The following SNAP25 variants were observed in gnomAD, a reference collection of about 807,000 sequenced individuals.
SNAP25 encodes the protein synaptosome associated protein 25, also known as synaptosomal-associated protein 25.
A neutral mutation model predicts 28.7 loss-of-function variants in SNAP25; 3 were observed. That is an observed-to-expected ratio of 0.10 (90% CI 0.05 to 0.27). The LOEUF (loss-of-function observed/expected upper bound fraction) is 0.27. SNAP25 is among the 10% of genes least tolerant of loss of function. SNAP25 has a pLI of 1.00. For synonymous variants in SNAP25, 61 were observed against 88.1 expected, an observed-to-expected ratio of 0.69 and a Z score of 1.72; for missense variants, 117 against 278.7, an observed-to-expected ratio of 0.42 and a Z score of 4.13.
chr20:10,253,127 C>T (rs897132640), intron 1 of SNAP25, among the ~76,000 whole-genome samples: 1 of 152,148 alleles, frequency 6.6e-6, no homozygotes, highest in African/African-American at 2.4e-5. Context: ...TATCATAGAC[C>T]AGGGATGAGA....
intron 1 of SNAP25, among the ~76,000 whole-genome samples, chr20:10,235,538 T>C (rs564258787): frequency 6.6e-6 from 1 of 152,304 alleles, no homozygotes; most frequent in South Asian, 2.1e-4. Context: ...ACTAGTCAAG[T>C]AGAGGGAGGA....
At chr20:10,242,469 A>T (rs900414183) in intron 1 of SNAP25, among the ~76,000 whole-genome samples, 2 of 152,166 alleles carry the variant, frequency 1.3e-5, no homozygotes, top group Non-Finnish European at 2.9e-5. Flanking sequence ...TATAAACTCT[A>T]AGCCATGTGA....
chr20:10,260,724 A>AC (rs1568597310), intron 1 of SNAP25, among the ~76,000 whole-genome samples: 27 of 78,484 alleles, frequency 3.4e-4, no homozygotes, highest in African/African-American at 1.1e-3. Flanking sequence ...CACACACACA[A>AC]ACACACACAC....
chr20:10,301,419 C>A (rs2064232451), intron 7 of SNAP25, among the ~76,000 whole-genome samples: 1 of 151,440 alleles, frequency 6.6e-6, no homozygotes, highest in Non-Finnish European at 1.5e-5. Flanking sequence ...CTTTTTTTTC[C>A]AGAATCAAAA....
chr20:10,296,545 G>A, intron 5 of SNAP25: 1 of 217,530 alleles, frequency 4.6e-6, no homozygotes, highest in Non-Finnish European at 9.2e-6. Flanking sequence ...GTCTTGTTTT[G>A]TGTCTGTCTG....
In SNAP25 at chr20:10,296,932, T is replaced by A. The variant is rs770941367; in HGVS notation, c.289T>A (p.Ser97Thr). 2.5e-6 allele frequency: 4 copies of A among 1,614,146 alleles called. No individual in the cohort carries two copies. In the East Asian group the frequency reaches 8.9e-5, roughly 36 times the overall value. ...ACCCTCTCTTTTGCATAGGCTTAAATCAAGTGATGCTTACAAAAAAGCCTG... is the reference window on the plus strand; with the variant it reads ...ACCCTCTCTTTTGCATAGGCTTAAAACAAGTGATGCTTACAAAAAAGCCTG... ...LCVCPCNKLKSSDAYKKAWGN... is the reference protein window; with the variant it reads ...LCVCPCNKLKTSDAYKKAWGN... The change falls in exon 6 of 8, where the codon TCA becomes ACA. Residue 97 changes from serine to threonine, a missense_variant. Around this residue, in one of 3 missense-constraint regions of SNAP25, gnomAD observed 88 missense variants for 206.9 expected, o/e 0.43. Coordinates refer to ENST00000254976, the MANE Select transcript of SNAP25 (RefSeq NM_130811.4).
At chr20:10,254,969 T>G (rs879234611) in intron 1 of SNAP25, among the ~76,000 whole-genome samples, 4 of 152,128 alleles carry the variant, frequency 2.6e-5, no homozygotes, top group Admixed American at 2.6e-4. Flanking sequence ...GACTGTTTCT[T>G]CATCTGAAGT....
intron 1 of SNAP25, among the ~76,000 whole-genome samples, chr20:10,250,135 A>T (rs3025863): frequency 2.6e-5 from 4 of 152,190 alleles, no homozygotes; most frequent in Non-Finnish European, 5.9e-5. Context: ...CCTTTTCAAG[A>T]TCTCTGTTTC....
intron 1 of SNAP25, among the ~76,000 whole-genome samples, chr20:10,266,719 G>A (rs2063512793): frequency 6.6e-6 from 1 of 152,136 alleles, no homozygotes; most frequent in Non-Finnish European, 1.5e-5. Flanking sequence ...CTATGAAAAG[G>A]TAGCAATCAT....
intron 4 of SNAP25, among the ~76,000 whole-genome samples, chr20:10,291,322 T>C (rs998045084): frequency 6.6e-6 from 1 of 152,280 alleles, no homozygotes; most frequent in Admixed American, 6.5e-5. Context: ...GTGATCTGCC[T>C]GCCTTGGCCT....
intron 1 of SNAP25, among the ~76,000 whole-genome samples, chr20:10,249,449 C>G (rs3025862): frequency 0.013 from 1,919 of 152,252 alleles, 40 homozygotes; most frequent in African/African-American, 0.043. Flanking sequence ...TGACGGGAAC[C>G]TGTTCCAAAG....
chr20:10,303,921 G>T (rs2064297156), intron 7 of SNAP25, among the ~76,000 whole-genome samples: 1 of 152,146 alleles, frequency 6.6e-6, no homozygotes, highest in Non-Finnish European at 1.5e-5. Flanking sequence ...TTAAAGAAAA[G>T]ACAGTTATTA....
At chr20:10,241,989 CT>C (rs1401482744) in intron 1 of SNAP25, among the ~76,000 whole-genome samples, 1 of 152,102 alleles carries the variant, frequency 6.6e-6, no homozygotes, top group Non-Finnish European at 1.5e-5. Flanking sequence ...GTGAAGCAAC[CT>C]AACCCAGGGA....
chr20:10,291,504 T>C (rs898664394), intron 4 of SNAP25, among the ~76,000 whole-genome samples: 2 of 152,240 alleles, frequency 1.3e-5, no homozygotes, highest in Non-Finnish European at 2.9e-5. Flanking sequence ...TGTTTTCACC[T>C]GTCATTTCAA....
intron 1 of SNAP25, among the ~76,000 whole-genome samples, chr20:10,239,477 A>T (rs1286652595): frequency 6.6e-6 from 1 of 152,242 alleles, no homozygotes; most frequent in African/African-American, 2.4e-5. Context: ...AAGCCTGTAG[A>T]TCTTTTTAAA....
At chr20:10,236,027 A>G (rs771960925) in intron 1 of SNAP25, among the ~76,000 whole-genome samples, 10 of 152,208 alleles carry the variant, frequency 6.6e-5, no homozygotes, top group Non-Finnish European at 1.3e-4. Flanking sequence ...TATGCCAACT[A>G]TATTTACAAA....
At chr20:10,305,771 A>G (rs868009104) in intron 7 of SNAP25, among the ~76,000 whole-genome samples, 1 of 152,192 alleles carries the variant, frequency 6.6e-6, no homozygotes, top group Admixed American at 6.5e-5. Flanking sequence ...ACTTGGTCCA[A>G]CAGATGTGAA....
rs535525064 is a variant in SNAP25 at position 10,275,498 on chromosome 20, G to A, written c.7G>A (p.Glu3Lys). Residue 3 changes from glutamate (E) to lysine (K), a missense_variant, in exon 2 of 8, where the codon GAA becomes AAA. By Grantham distance (56) the Glu-to-Lys change is moderately conservative. Coordinates refer to ENST00000254976, the MANE Select transcript of SNAP25 (RefSeq NM_130811.4). The part of the protein sequence containing the change: MA[E>K]DADMRNELEE... ...GCCACTCCCCACCGCTACCATGGCC[G>A]AAGACGCAGACATGCGCAATGAGCT... 57 of 1,603,676 alleles carry A rather than the reference G, an allele frequency of 3.6e-5. 1 individual carries two copies. Among genetic ancestry groups the A allele is most frequent in the South Asian group, 3.2e-4 (28 of 88,694 alleles).
intron 1 of SNAP25, among the ~76,000 whole-genome samples, chr20:10,236,317 A>T (rs919841002): frequency 6.6e-6 from 1 of 152,192 alleles, no homozygotes; most frequent in East Asian, 1.9e-4. Flanking sequence ...TATCTGATCA[A>T]TTCAGCAGGG....
Sources: allele counts gnomAD v4.1 joint callset (sites outside exome capture counted in the v4.1 genomes callset), GRCh38; gene constraint gnomAD v4.1.1; regional missense constraint gnomAD v4.1.1; transcripts MANE v1.5; gene names NCBI Gene and HGNC (gene_info 2026-07-23, HGNC 2026-07-21).